FSHR: variants seen among roughly 807,000 people sequenced by gnomAD.
The protein encoded by FSHR is follicle-stimulating hormone receptor.
A neutral mutation model predicts 52.1 loss-of-function variants in FSHR; 46 were observed. That is an observed-to-expected ratio of 0.88 (90% CI 0.70 to 1.13). The LOEUF (loss-of-function observed/expected upper bound fraction) is 1.13. FSHR is among the 50% of genes most tolerant of loss of function. The pLI, the probability that FSHR is intolerant of heterozygous loss-of-function variation, is 0.00. For synonymous variants in FSHR, 399 were observed against 309.6 expected (o/e 1.29, Z -3.03); for missense variants, 964 against 834.6 (o/e 1.16, Z -1.91).
intron 1 of FSHR, among the ~76,000 whole-genome samples, chr2:49,136,742 A>G (rs889768821): frequency 6.6e-6 from 1 of 152,188 alleles, no homozygotes; most frequent in Non-Finnish European, 1.5e-5. Context: ...AATATATTAC[A>G]TCAATATAAA....
chr2:49,141,237 C>T lies in FSHR; in HGVS notation c.152+13029G>A, dbSNP rs1229111325. ...TCCTCATGGAGTAGTTGCTTGTACC[C>T]ATCTGTGTTAGGCTGTTCTTGCATT... On this transcript the variant is annotated intron_variant, in intron 1 of 9. Coordinates refer to ENST00000406846, the MANE Select transcript of FSHR (RefSeq NM_000145.4). Among the ~76,000 whole-genome samples, 8 of 151,914 alleles carry T rather than the reference C, an allele frequency of 5.3e-5. No homozygotes were observed. In the East Asian group the frequency reaches 1.5e-3, roughly 29 times the overall value.
intron 8 of FSHR, among the ~76,000 whole-genome samples, chr2:48,972,649 A>G (rs1221271781): frequency 2.6e-5 from 4 of 152,096 alleles, no homozygotes; most frequent in Non-Finnish European, 5.9e-5. Flanking sequence ...TCAAATGTGG[A>G]AAGAACAAAG....
chr2:48,985,700 T>TTTTTTTTTTTTTTTTG (rs1675472276), intron 6 of FSHR, among the ~76,000 whole-genome samples: 1 of 50,898 alleles, frequency 2.0e-5, no homozygotes, highest in African/African-American at 5.3e-5. Context: ...AGTACAGGTT[T>TTTTTTTTTTTTTTTTG]TTTTTTTTTT....
chr2:49,083,354 A>G (rs1325368452), intron 1 of FSHR, among the ~76,000 whole-genome samples: 14 of 151,544 alleles, frequency 9.2e-5, no homozygotes, highest in Non-Finnish European at 1.8e-4. Context: ...AGCGCTAAAC[A>G]TGGAAAGGAA....
chr2:49,120,807 A>G (rs1671790667), intron 1 of FSHR, among the ~76,000 whole-genome samples: 1 of 152,232 alleles, frequency 6.6e-6, no homozygotes, highest in African/African-American at 2.4e-5. Flanking sequence ...GCTGACCTGT[A>G]GTAGATGCTG....
intron 8 of FSHR, among the ~76,000 whole-genome samples, chr2:48,971,360 T>G (rs1487631106): frequency 6.6e-6 from 1 of 152,230 alleles, no homozygotes; most frequent in Non-Finnish European, 1.5e-5. Context: ...GTCTTCTCTG[T>G]GACTTCAGCT....
At chr2:49,063,968 A>G (rs1480055445) in intron 2 of FSHR, among the ~76,000 whole-genome samples, 1 of 152,134 alleles carries the variant, frequency 6.6e-6, no homozygotes, top group Non-Finnish European at 1.5e-5. Context: ...TGTTACAATT[A>G]TTATAAATAT....
At chr2:49,044,331 C>A (rs1453053900) in intron 2 of FSHR, among the ~76,000 whole-genome samples, 3 of 152,170 alleles carry the variant, frequency 2.0e-5, no homozygotes, top group South Asian at 2.1e-4. Flanking sequence ...GGAACCCTCT[C>A]GCCTTCCCAC....
At chr2:49,103,193 G>A (rs375863550) in intron 1 of FSHR, among the ~76,000 whole-genome samples, 1 of 152,068 alleles carries the variant, frequency 6.6e-6, no homozygotes, top group East Asian at 1.9e-4. Flanking sequence ...AAACGTCCTA[G>A]GTTTGGACAT....
At chr2:49,023,323 T>G (rs1015781147) in intron 2 of FSHR, among the ~76,000 whole-genome samples, 1 of 152,194 alleles carries the variant, frequency 6.6e-6, no homozygotes, top group East Asian at 1.9e-4. Context: ...TAATTTGATA[T>G]GTAGTTAGTG....
chr2:49,039,387 C>A (rs1668403696), intron 2 of FSHR, among the ~76,000 whole-genome samples: 1 of 152,128 alleles, frequency 6.6e-6, no homozygotes. Flanking sequence ...TCACAGAGTC[C>A]CTTTCAGAGA....
chr2:49,154,459 AGAAAAACCTCCACAGATCTC>A lies in FSHR; in HGVS notation c.-62_-43del. 1 of 1,606,284 alleles carries A rather than the reference AGAAAAACCTCCACAGATCTC, an allele frequency of 6.2e-7. No homozygotes were observed. On this transcript the variant is annotated 5_prime_UTR_variant, in exon 1 of 10. Transcript: ENST00000406846. Reference sequence around the variant, plus strand: ...ACCTGATTTCTTCCTGCATTTGCAGAGAAAAACCTCCACAGATCTCAGAAGCTCCACACAGTGCCCTTATG... The same window carrying A: ...ACCTGATTTCTTCCTGCATTTGCAGAAGAAGCTCCACACAGTGCCCTTATG...
Position 49,078,317 on chromosome 2 carries a change from T to C in FSHR, c.153-10027A>G, listed in dbSNP as rs1361892672. Among the ~76,000 whole-genome samples, 3 of 152,152 alleles carry C rather than the reference T, an allele frequency of 2.0e-5. No individual in the cohort carries two copies. In the East Asian group the frequency reaches 5.8e-4, roughly 29 times the overall value. On this transcript the variant is annotated intron_variant, in intron 1 of 9. Transcript: ENST00000406846. ...CCGATCTCGTGAGACTTATTCACTATCATGAGAACAGCACGGGAAAGACCT... is the reference window on the plus strand; with the variant it reads ...CCGATCTCGTGAGACTTATTCACTACCATGAGAACAGCACGGGAAAGACCT...
At position 48,962,913 on chromosome 2, in the gene FSHR, A is replaced by G; in HGVS notation, c.1908T>C (p.Asp636=). The change falls in exon 10 of 10, where the codon GAT becomes GAC. Residue 636 remains aspartate (D), a synonymous_variant. Coordinates refer to ENST00000406846, the MANE Select transcript of FSHR (RefSeq NM_000145.4). ...CACACTTGCTCAGCAGAATGAAGAA[A>G]TCTCTGCGAAAGTTTTTGGTAAAGA... The part of the protein sequence containing the change: ...YAIFTKNFRR[D]FFILLSKCGC... The G allele has an allele frequency of 1.2e-6, 2 of 1,614,142 alleles. No individual in the cohort carries two copies. Among genetic ancestry groups the G allele is most frequent in the Non-Finnish European group, 1.7e-6 (2 of 1,180,020 alleles).
chr2:49,050,491 T>G (rs1056762823), intron 2 of FSHR, among the ~76,000 whole-genome samples: 14 of 152,300 alleles, frequency 9.2e-5, no homozygotes, highest in Middle Eastern at 3.4e-3. Flanking sequence ...GCTTTAATTT[T>G]CCTGTCAATC....
At chr2:49,126,454 C>T (rs1368133844) in intron 1 of FSHR, among the ~76,000 whole-genome samples, 3 of 152,194 alleles carry the variant, frequency 2.0e-5, no homozygotes, top group Non-Finnish European at 4.4e-5. Flanking sequence ...GACCTAGACA[C>T]TTCCCATTAG....
chr2:48,992,850 C>T (rs922342654), intron 4 of FSHR, among the ~76,000 whole-genome samples: 1 of 152,146 alleles, frequency 6.6e-6, no homozygotes, highest in Non-Finnish European at 1.5e-5. Flanking sequence ...CGATCTTCAA[C>T]CTGCTCCAAT....
intron 4 of FSHR, among the ~76,000 whole-genome samples, chr2:49,012,505 A>G (rs570887357): frequency 1.3e-5 from 2 of 152,224 alleles, no homozygotes; most frequent in South Asian, 2.1e-4. Context: ...TGTGCCATCA[A>G]ATGAGCAGCA....
chr2:49,153,057 T>C (rs148262818), intron 1 of FSHR, among the ~76,000 whole-genome samples: 2 of 152,340 alleles, frequency 1.3e-5, no homozygotes, highest in Non-Finnish European at 2.9e-5. Flanking sequence ...CAGCTGCCTC[T>C]GGATAAGGAC....
Sources: allele counts gnomAD v4.1 joint callset (sites outside exome capture counted in the v4.1 genomes callset), GRCh38; gene constraint gnomAD v4.1.1; transcripts MANE v1.5; gene names NCBI Gene and HGNC (gene_info 2026-07-23, HGNC 2026-07-21).